The following RASGRF2 variants were observed in gnomAD, a reference collection of about 807,000 sequenced individuals.
RASGRF2 encodes the protein Ras protein specific guanine nucleotide releasing factor 2.
In RASGRF2, 76 loss-of-function variants were observed where a neutral mutation model predicts 151.0. The ratio of observed to expected loss-of-function variants is 0.50; its 90% CI spans 0.42 to 0.61. The LOEUF (loss-of-function observed/expected upper bound fraction) is 0.61, where lower values mean the gene tolerates loss of function less well. Among genes scored for constraint, RASGRF2 ranks in the 20% least tolerant of loss-of-function variants. RASGRF2 has a pLI of 0.00. For synonymous variants in RASGRF2, 504 were observed against 566.5 expected (o/e 0.89, Z 1.57); for missense variants, 1,148 against 1,564.6 (o/e 0.73, Z 4.49).
intron 1 of RASGRF2, among the ~76,000 whole-genome samples, chr5:81,008,144 T>A (rs1402491937): frequency 1.7e-5 from 1 of 57,472 alleles, no homozygotes; most frequent in Non-Finnish European, 4.1e-5. Context: ...CTTTCCTTTT[T>A]TTTTTTTTTT....
At chr5:81,216,089 TA>T (rs1390112648) in intron 24 of RASGRF2, 134 bp downstream of exon 24, 4 of 937,632 alleles carry the variant, frequency 4.3e-6, no homozygotes, top group Non-Finnish European at 5.7e-6. Flanking sequence ...TTGTATCATC[TA>T]GGTATTTTTC....
chr5:81,157,368 A>G (rs1445948726), intron 17 of RASGRF2, among the ~76,000 whole-genome samples: 2 of 151,994 alleles, frequency 1.3e-5, no homozygotes, highest in African/African-American at 4.8e-5. Context: ...AAAAAAAAAA[A>G]AAAGAATCAA....
chr5:81,098,884 T>A (rs1227328916), intron 12 of RASGRF2, among the ~76,000 whole-genome samples: 2 of 152,246 alleles, frequency 1.3e-5, no homozygotes, highest in African/African-American at 4.8e-5. Flanking sequence ...ATTAATAAGA[T>A]AAGCTTACTG....
At chr5:81,093,304 A>G (rs1228710975) in intron 10 of RASGRF2, among the ~76,000 whole-genome samples, 11 of 152,204 alleles carry the variant, frequency 7.2e-5, no homozygotes, top group African/African-American at 2.4e-5. Context: ...AATCACTACA[A>G]TGTACCAATG....
At chr5:81,150,215 G>A (rs976543355) in intron 17 of RASGRF2, among the ~76,000 whole-genome samples, 1 of 152,194 alleles carries the variant, frequency 6.6e-6, no homozygotes, top group African/African-American at 2.4e-5. Flanking sequence ...GAGTGGTCAA[G>A]AGAGTGAATT....
In RASGRF2 at chr5:81,042,922, G is replaced by A; in HGVS notation, c.334G>A (p.Glu112Lys). The A allele has an allele frequency of 6.2e-7, 1 of 1,613,114 alleles. No homozygotes were observed. The highest frequency in any genetic ancestry group is 8.5e-7 in the Non-Finnish European group (1 of 1,179,714). The stretch of plus-strand genomic sequence containing the variant: ...TGGCCATGAAGGTCAGAAGCCACTG[G>A]AGCTGCGCTGTGAGGAGGAGCAGGA... ...LFGHEGQKPL[E>K]LRCEEEQDGK... The change falls in exon 2 of 27, where the codon GAG becomes AAG. Residue 112 changes from glutamate (E) to lysine (K), a missense_variant. Coordinates refer to ENST00000265080, the MANE Select transcript of RASGRF2 (RefSeq NM_006909.3).
intron 9 of RASGRF2, chr5:81,087,264 C>T (rs1436323003): frequency 2.8e-6 from 2 of 703,094 alleles, no homozygotes; most frequent in Admixed American, 2.0e-5. Context: ...GGCCCACGGC[C>T]GTGGCAGTGC....
chr5:81,022,010 C>T (rs1467268327), intron 1 of RASGRF2, among the ~76,000 whole-genome samples: 1 of 152,104 alleles, frequency 6.6e-6, no homozygotes, highest in Admixed American at 6.5e-5. Flanking sequence ...GTCAGCCATT[C>T]CACTGGAATT....
intron 17 of RASGRF2, among the ~76,000 whole-genome samples, chr5:81,168,141 G>A (rs1754555420): frequency 6.6e-6 from 1 of 151,924 alleles, no homozygotes; most frequent in Non-Finnish European, 1.5e-5. Context: ...AGGCTGTGGA[G>A]TAATCATCCC....
chr5:81,217,279 C>T (rs960330585), intron 24 of RASGRF2, 77 bp from the exon 25 acceptor site: 2 of 1,505,780 alleles, frequency 1.3e-6, no homozygotes, highest in African/African-American at 2.8e-5. Context: ...ATACTTTAAT[C>T]CTCCTTTGTT....
chr5:81,143,788 G>A (rs182927512), intron 17 of RASGRF2, among the ~76,000 whole-genome samples: 9 of 151,994 alleles, frequency 5.9e-5, no homozygotes, highest in African/African-American at 1.9e-4. Context: ...TACTCAGGAG[G>A]CTGAGGCAGG....
intron 22 of RASGRF2, among the ~76,000 whole-genome samples, chr5:81,209,779 C>A (rs991830027): frequency 6.6e-6 from 1 of 152,158 alleles, no homozygotes; most frequent in Non-Finnish European, 1.5e-5. Flanking sequence ...TCTGCTGGGA[C>A]GACTGCTACA....
chr5:81,029,483 G>A (rs537147934), intron 1 of RASGRF2, among the ~76,000 whole-genome samples: 10 of 152,284 alleles, frequency 6.6e-5, no homozygotes, highest in South Asian at 2.1e-4. Flanking sequence ...AACATTTACC[G>A]TTCTGCAATA....
chr5:81,022,693 C>A (rs1447574381), intron 1 of RASGRF2, among the ~76,000 whole-genome samples: 1 of 152,210 alleles, frequency 6.6e-6, no homozygotes, highest in Non-Finnish European at 1.5e-5. Flanking sequence ...GCTCCCAACT[C>A]ACTGGGACTT....
intron 1 of RASGRF2, among the ~76,000 whole-genome samples, chr5:80,963,988 C>T (rs986034291): frequency 4.1e-5 from 5 of 121,406 alleles, no homozygotes; most frequent in African/African-American, 1.7e-4. Context: ...TTGACAACAA[C>T]AAAAAAATCC....
At chr5:81,149,261 A>T (rs1252778649) in intron 17 of RASGRF2, among the ~76,000 whole-genome samples, 2 of 152,246 alleles carry the variant, frequency 1.3e-5, no homozygotes, top group African/African-American at 4.8e-5. Context: ...GATGAAGAAA[A>T]TGTAGTATAT....
At chr5:81,200,732 G>A (rs776579218) in intron 18 of RASGRF2, among the ~76,000 whole-genome samples, 1 of 152,196 alleles carries the variant, frequency 6.6e-6, no homozygotes, top group Non-Finnish European at 1.5e-5. Flanking sequence ...CGTGAGTTAC[G>A]TGTGCCGTGG....
intron 18 of RASGRF2, among the ~76,000 whole-genome samples, chr5:81,193,891 T>C (rs1181171335): frequency 1.3e-5 from 2 of 152,230 alleles, no homozygotes; most frequent in Non-Finnish European, 2.9e-5. Flanking sequence ...GCCAAGAGTT[T>C]AGCCTGGATC....
chr5:80,961,318 T>G (rs867003143), intron 1 of RASGRF2, among the ~76,000 whole-genome samples: 1 of 149,454 alleles, frequency 6.7e-6, no homozygotes, highest in African/African-American at 2.4e-5. Context: ...CTGCCAACCA[T>G]CTATTGCTTC....
Sources: gnomAD v4.1 joint callset for allele counts (sites outside exome capture counted in the v4.1 genomes callset) on GRCh38, gnomAD v4.1.1 for gene constraint, MANE v1.5 for transcripts, NCBI Gene and HGNC (gene_info 2026-07-23, HGNC 2026-07-21) for gene names.